Variants in AOPEP observed in about 807,000 individuals in gnomAD.
The protein encoded by AOPEP is aminopeptidase O (putative), also known as aminopeptidase O.
In AOPEP, 77 loss-of-function variants were observed where a neutral mutation model predicts 98.1. That is an observed-to-expected ratio of 0.78 (90% CI 0.65 to 0.95). AOPEP has a LOEUF of 0.95. Among genes scored for constraint, AOPEP ranks in the 40% least tolerant of loss-of-function variants. The pLI is 0.00. For synonymous variants in AOPEP, 346 were observed against 365.3 expected (o/e 0.95, Z 0.60); for missense variants, 1,024 against 1,024.7 (o/e 1.00, Z 0.01).
intron 5 of AOPEP, among the ~76,000 whole-genome samples, chr9:94,815,515 C>T (rs940279455): frequency 2.0e-5 from 3 of 152,238 alleles, no homozygotes; most frequent in East Asian, 3.9e-4. Context: ...CCGAGAACCT[C>T]GGGCCCCTTC....
In AOPEP at chr9:94,802,122, T is replaced by A. The variant is rs142294433; in HGVS notation, c.1364+1120T>A. Among the ~76,000 whole-genome samples the A allele has an allele frequency of 9.3e-3, 1,415 of 152,284 alleles. 10 individuals are homozygous for A. The highest frequency in any genetic ancestry group is 0.024 in the South Asian group (115 of 4,820). ...GGATAATTATATATATTTGGTTACG[T>A]GCATCATATAATTGTCTTGGATGTC... is the stretch of plus-strand genomic sequence containing the variant. On this transcript the variant is annotated intron_variant, in intron 5 of 16. Coordinates refer to ENST00000375315, the MANE Select transcript of AOPEP (RefSeq NM_001193329.3).
Position 94,954,161 on chromosome 9 carries a change from G to A in AOPEP, c.1662-1016G>A, listed in dbSNP as rs564322585. On this transcript the variant is annotated intron_variant, in intron 7 of 16. Transcript: ENST00000375315. The stretch of plus-strand genomic sequence containing the variant: ...AACATGGCGAAACCCCATCTCTACA[G>A]AAAAAAACAAAAATTAGCTGGGTAC... Among the ~76,000 whole-genome samples, 8 of 151,984 alleles carry A rather than the reference G, an allele frequency of 5.3e-5. No homozygotes were observed. In the South Asian group the frequency reaches 1.7e-3, roughly 32 times the overall value.
chr9:95,022,080 T>C (rs1371034505), intron 13 of AOPEP: 1 of 152,256 alleles, frequency 6.6e-6, no homozygotes, highest in African/African-American at 2.4e-5. Flanking sequence ...GTGATTGTTG[T>C]AGATTTTGTC....
chr9:94,937,870 A>G (rs748242817), intron 7 of AOPEP, among the ~76,000 whole-genome samples: 5 of 152,112 alleles, frequency 3.3e-5, no homozygotes, highest in Admixed American at 3.3e-4. Flanking sequence ...CCCTACAAGA[A>G]CAATTTCTTT....
rs1045699234 is a variant in AOPEP, at chr9:94,808,424, C to T, written c.1364+7422C>T. On this transcript the variant is annotated intron_variant, in intron 5 of 16. Coordinates refer to ENST00000375315, the MANE Select transcript of AOPEP (RefSeq NM_001193329.3). Reference sequence around the variant, plus strand: ...GGATGCCCCCTTCAAAAATGGATTACTTTTTTTTAAAAAAAATTGAATACC... The same window carrying T: ...GGATGCCCCCTTCAAAAATGGATTATTTTTTTTTAAAAAAAATTGAATACC... Among the ~76,000 whole-genome samples the T allele has an allele frequency of 9.9e-5, 15 of 152,248 alleles. No homozygotes were observed. The South Asian group carries it at 2.7e-3, about 27-fold the overall frequency.
intron 1 of AOPEP, among the ~76,000 whole-genome samples, chr9:94,730,045 A>G (rs185618029): frequency 3.2e-3 from 480 of 152,164 alleles, no homozygotes; most frequent in African/African-American, 0.011. Flanking sequence ...AGCACTTTGG[A>G]AGGCCGAGGT....
the AOPEP span, among the ~76,000 whole-genome samples, chr9:95,149,506 TCTCG>T: frequency 6.7e-6 from 1 of 149,712 alleles, no homozygotes; most frequent in Admixed American, 6.7e-5. Flanking sequence ...TGAGATGGAG[TCTCG>T]CTCTGTTGCC....
At position 94,884,876 on chromosome 9, in the gene AOPEP, G is replaced by A. The variant is rs535528757; in HGVS notation, c.1365-39110G>A. ...ATATAAAAATTAGCTGGGCGTGGTG[G>A]CGGGCGCCTGTAGTCCCAGCTACTC... is the stretch of plus-strand genomic sequence containing the variant. On this transcript the variant is annotated intron_variant, in intron 5 of 16. Transcript: ENST00000375315. Among the ~76,000 whole-genome samples, 13 of 150,492 alleles carry A rather than the reference G, an allele frequency of 8.6e-5. No homozygotes were observed. The East Asian group carries it at 2.6e-3, about 30-fold the overall frequency.
chr9:94,971,524 A>G (rs1045116010), intron 10 of AOPEP, among the ~76,000 whole-genome samples: 1 of 151,818 alleles, frequency 6.6e-6, no homozygotes. Context: ...CCCCACACCT[A>G]CCCCCCGGAG....
chr9:94,823,695 G>A (rs184515809), intron 5 of AOPEP, among the ~76,000 whole-genome samples: 29 of 148,994 alleles, frequency 1.9e-4, no homozygotes, highest in Admixed American at 1.0e-3. Flanking sequence ...GTCTGGGAGC[G>A]TGAATTTTTA....
rs1856014483 is a variant in AOPEP, at chr9:94,831,761, ACTC to A, written c.1364+30760_1364+30762del. 4.0e-5 allele frequency among the ~76,000 whole-genome samples: 6 copies of A among 151,672 alleles called. No individual in the cohort carries two copies. In the South Asian group the frequency reaches 1.3e-3, roughly 32 times the overall value. On this transcript the variant is annotated intron_variant, in intron 5 of 16. Transcript: ENST00000375315. The stretch of plus-strand genomic sequence containing the variant: ...GGGTTTTGTAGTTCTTCTTGAATGA[ACTC>A]TTATTCCCAAGTGCTACAAAGAGAA...
chr9:94,901,039 G>T (rs2050323087), intron 5 of AOPEP: 1 of 152,132 alleles, frequency 6.6e-6, no homozygotes, highest in African/African-American at 2.4e-5. Context: ...AAAGGTGGTT[G>T]CCATTTGGCT....
chr9:94,912,805 G>A (rs751786507), intron 5 of AOPEP, among the ~76,000 whole-genome samples: 1 of 152,196 alleles, frequency 6.6e-6, no homozygotes, highest in African/African-American at 2.4e-5. Context: ...CCGTGAGCAT[G>A]AGGGGCAAGC....
At chr9:95,142,783 G>A in the AOPEP span, among the ~76,000 whole-genome samples, 1 of 152,142 alleles carries the variant, frequency 6.6e-6, no homozygotes, top group African/African-American at 2.4e-5. Context: ...GTGTTAGAGT[G>A]GTCAGAGACT....
chr9:94,928,782 G>A (rs566940178), intron 7 of AOPEP: 14 of 430,996 alleles, frequency 3.2e-5, no homozygotes, highest in African/African-American at 2.5e-4. Flanking sequence ...CAGATCCTTC[G>A]TTTGAAGTTC....
chr9:94,742,570 G>C (rs1186478448), intron 1 of AOPEP, among the ~76,000 whole-genome samples: 16 of 152,034 alleles, frequency 1.1e-4, no homozygotes, highest in Non-Finnish European at 1.0e-4. Context: ...GAGTAGCTGG[G>C]ACTACAGGCA....
the AOPEP span, among the ~76,000 whole-genome samples, chr9:95,125,832 G>A: frequency 3.3e-5 from 5 of 152,260 alleles, no homozygotes; most frequent in East Asian, 9.6e-4. Context: ...GAGCTGATAT[G>A]GGCTCCCCTG....
chr9:95,121,138 T>C, the AOPEP span, among the ~76,000 whole-genome samples: 309 of 152,368 alleles, frequency 2.0e-3, no homozygotes, highest in African/African-American at 7.2e-3. Context: ...ATCATTTTTA[T>C]CTGTGGGAGA....
At chr9:94,807,667 T>C (rs1391223116) in intron 5 of AOPEP, among the ~76,000 whole-genome samples, 1 of 152,328 alleles carries the variant, frequency 6.6e-6, no homozygotes, top group Middle Eastern at 3.4e-3. Context: ...AAAAGAACAA[T>C]GGAGTTCAGT....
Sources: gnomAD v4.1 joint callset for allele counts (sites outside exome capture counted in the v4.1 genomes callset) on GRCh38, gnomAD v4.1.1 for gene constraint, MANE v1.5 for transcripts, NCBI Gene and HGNC (gene_info 2026-07-23, HGNC 2026-07-21) for gene names.